Variants in CSMD1 observed in about 807,000 individuals in gnomAD.
CSMD1 encodes the protein CUB and Sushi multiple domains 1.
Under a neutral mutation model 417.5 loss-of-function variants are expected in CSMD1, and 213 were observed. That is an observed-to-expected ratio of 0.51 (90% CI 0.46 to 0.57). The LOEUF is 0.57. Ranked by LOEUF, CSMD1 falls within the 20% of genes least tolerant of loss-of-function variation. The pLI is 0.00. For missense variants in CSMD1, 6,923 were observed against 4,529.7 expected, an observed-to-expected ratio of 1.53 and a Z score of -15.17; for synonymous variants, 2,862 against 1,736.8, an observed-to-expected ratio of 1.65 and a Z score of -16.11.
chr8:4,009,074 T>C (rs968368591), intron 4 of CSMD1, among the ~76,000 whole-genome samples: 3 of 152,236 alleles, frequency 2.0e-5, no homozygotes, highest in African/African-American at 7.2e-5. Context: ...CATAAAATTC[T>C]GCATTTGAAG....
intron 3 of CSMD1, among the ~76,000 whole-genome samples, chr8:4,177,692 C>A (rs2656293): frequency 6.4e-5 from 9 of 139,706 alleles, no homozygotes; most frequent in African/African-American, 8.1e-5. Context: ...GCAAGACTAA[C>A]AAAGAAAAAA....
intron 1 of CSMD1, among the ~76,000 whole-genome samples, chr8:4,751,960 G>T (rs540921550): frequency 6.6e-6 from 1 of 151,944 alleles, no homozygotes. Context: ...GAAGTGCAAA[G>T]AATATATACA....
intron 6 of CSMD1, among the ~76,000 whole-genome samples, chr8:3,713,393 A>G (rs9644351): frequency 0.61 from 92,339 of 151,968 alleles, 28,235 homozygotes; most frequent in Admixed American, 0.65. Context: ...GAATACAACT[A>G]TTGCTACTTG....
chr8:3,645,442 C>T (rs968287853), intron 7 of CSMD1, among the ~76,000 whole-genome samples: 1 of 152,142 alleles, frequency 6.6e-6, no homozygotes, highest in Non-Finnish European at 1.5e-5. Context: ...AGGGGAAAGA[C>T]AGCAAACCTT....
At chr8:4,599,097 A>T (rs1800442454) in intron 2 of CSMD1, among the ~76,000 whole-genome samples, 1 of 152,262 alleles carries the variant, frequency 6.6e-6, no homozygotes, top group Non-Finnish European at 1.5e-5. Flanking sequence ...TGTTAGGATT[A>T]AGTAAAAAGT....
intron 3 of CSMD1, among the ~76,000 whole-genome samples, chr8:4,355,044 C>G (rs1054476093): frequency 4.0e-5 from 6 of 151,800 alleles, no homozygotes; most frequent in Admixed American, 3.3e-4. Context: ...GGGCGGATGA[C>G]GAGGTCAGGA....
intron 3 of CSMD1, among the ~76,000 whole-genome samples, chr8:4,379,587 A>G (rs911966417): frequency 1.3e-5 from 2 of 152,226 alleles, no homozygotes; most frequent in African/African-American, 2.4e-5. Flanking sequence ...ATTTCAAAGT[A>G]AAAACTGAAA....
In CSMD1 at chr8:4,420,030, C is replaced by A; in HGVS notation, c.338G>T (p.Ser113Ile). ...SGFQLPSSIVSTGSILTLWFT... is the reference protein window; with the variant it reads ...SGFQLPSSIVITGSILTLWFT... ...CCACAGAGTGAGGATAGATCCTGTACTCACTATAGAGGAGGGCAGCTGAAA... is the reference window on the plus strand; with the variant it reads ...CCACAGAGTGAGGATAGATCCTGTAATCACTATAGAGGAGGGCAGCTGAAA... Residue 113 changes from serine to isoleucine, a missense_variant, in exon 3 of 70, where the codon AGT (serine) becomes ATT (isoleucine). Coordinates refer to ENST00000635120, the MANE Select transcript of CSMD1 (RefSeq NM_033225.6). 6.3e-7 allele frequency: 1 copy of A among 1,580,182 alleles called. No homozygotes were observed. The highest frequency in any genetic ancestry group is 8.6e-7 in the Non-Finnish European group (1 of 1,161,802).
At chr8:4,024,999 G>A (rs555191548) in intron 4 of CSMD1, among the ~76,000 whole-genome samples, 10 of 152,314 alleles carry the variant, frequency 6.6e-5, no homozygotes, top group South Asian at 4.1e-4. Flanking sequence ...GGGTTTAAAC[G>A]GCCTGATGCC....
chr8:4,088,871 G>T (rs1024887810), intron 3 of CSMD1, among the ~76,000 whole-genome samples: 2 of 152,090 alleles, frequency 1.3e-5, no homozygotes, highest in African/African-American at 4.8e-5. Context: ...ACACCGCTGT[G>T]TTCCACCCGC....
At chr8:4,196,046 C>T (rs1239413841) in intron 3 of CSMD1, among the ~76,000 whole-genome samples, 2 of 151,952 alleles carry the variant, frequency 1.3e-5, no homozygotes, top group Non-Finnish European at 2.9e-5. Flanking sequence ...CTCGTCTCTA[C>T]TGAAAATACA....
In CSMD1 at chr8:4,795,460, T is replaced by C. The variant is rs556086100; in HGVS notation, c.86-157902A>G. Among the ~76,000 whole-genome samples, 9 of 151,420 alleles carry C rather than the reference T, an allele frequency of 5.9e-5. No homozygotes were observed. The East Asian group carries it at 1.2e-3, about 20-fold the overall frequency. ...CTAACTTTTGTATTTTTAGTAGAGA[T>C]GGGGTTTCACCGTGTTAGCCAGGAT... is the stretch of plus-strand genomic sequence containing the variant. On this transcript the variant is annotated intron_variant, in intron 1 of 69. Coordinates refer to ENST00000635120, the MANE Select transcript of CSMD1 (RefSeq NM_033225.6).
chr8:4,133,576 A>T (rs1335291839), intron 3 of CSMD1, among the ~76,000 whole-genome samples: 1 of 152,174 alleles, frequency 6.6e-6, no homozygotes, highest in African/African-American at 2.4e-5. Flanking sequence ...CCGTGCATTA[A>T]CGCCGATATG....
chr8:3,979,019 G>T lies in CSMD1; in HGVS notation c.818+18884C>A, dbSNP rs917503041. ...ATTGGAAAATCAGAAAAAGAACAAA[G>T]ATGCTGCACAACACCTGGACCACAA... On this transcript the variant is annotated intron_variant, in intron 5 of 69. Transcript: ENST00000635120. Among the ~76,000 whole-genome samples the T allele has an allele frequency of 1.3e-5, 2 of 152,192 alleles. 1 individual carries two copies. Among genetic ancestry groups the T allele is most frequent in the Admixed American group, 1.3e-4 (2 of 15,272 alleles).
intron 7 of CSMD1, among the ~76,000 whole-genome samples, chr8:3,639,207 G>A (rs1016558763): frequency 6.6e-6 from 1 of 152,186 alleles, no homozygotes; most frequent in Non-Finnish European, 1.5e-5. Flanking sequence ...AAAGACACAG[G>A]CCTTGAGGTC....
chr8:4,363,526 G>C (rs921109423), intron 3 of CSMD1, among the ~76,000 whole-genome samples: 2 of 152,134 alleles, frequency 1.3e-5, no homozygotes, highest in African/African-American at 4.8e-5. Context: ...AGCTAAGAAA[G>C]AAGAGCAATA....
chr8:4,062,814 C>A (rs960416395), intron 3 of CSMD1, among the ~76,000 whole-genome samples: 8 of 151,674 alleles, frequency 5.3e-5, no homozygotes, highest in Non-Finnish European at 7.4e-5. Flanking sequence ...TCACGGATGT[C>A]TGACTTTAGG....
At chr8:4,268,072 A>C (rs965694395) in intron 3 of CSMD1, among the ~76,000 whole-genome samples, 2 of 152,120 alleles carry the variant, frequency 1.3e-5, no homozygotes, top group African/African-American at 4.8e-5. Flanking sequence ...AATCCTCGCA[A>C]TCCACAAATT....
At chr8:4,082,948 C>A (rs1339770676) in intron 3 of CSMD1, among the ~76,000 whole-genome samples, 2 of 151,852 alleles carry the variant, frequency 1.3e-5, no homozygotes, top group Non-Finnish European at 2.9e-5. Context: ...ATGAACTCAC[C>A]ATTTTTTATG....
Sources: gnomAD v4.1 joint callset for allele counts (sites outside exome capture counted in the v4.1 genomes callset) on GRCh38, gnomAD v4.1.1 for gene constraint, MANE v1.5 for transcripts, NCBI Gene and HGNC (gene_info 2026-07-23, HGNC 2026-07-21) for gene names.